The following MOB3B variants were observed in gnomAD, a reference collection of about 807,000 sequenced individuals.
MOB3B encodes MOB kinase activator 3B.
MOB3B carries 7 observed loss-of-function variants against 18.7 expected under a neutral mutation model. That is an observed-to-expected ratio of 0.37 (90% confidence interval 0.21 to 0.70). The LOEUF (loss-of-function observed/expected upper bound fraction) is 0.70. MOB3B is among the 30% of genes least tolerant of loss of function. The pLI is 0.52. For missense variants in MOB3B, 253 were observed against 281.3 expected (o/e 0.90, Z 0.72); for synonymous variants, 111 against 99.9 (o/e 1.11, Z -0.66).
intron 2 of MOB3B, among the ~76,000 whole-genome samples, chr9:27,375,407 A>T (rs539949429): frequency 6.6e-6 from 1 of 152,364 alleles, no homozygotes; most frequent in Non-Finnish European, 1.5e-5. Context: ...TTTGCAATAC[A>T]AGAGTTTTCT....
At chr9:27,458,067 C>G (rs2131452953) in intron 1 of MOB3B, among the ~76,000 whole-genome samples, 1 of 152,286 alleles carries the variant, frequency 6.6e-6, no homozygotes, top group African/African-American at 2.4e-5. Context: ...TTCTATGTCT[C>G]AAATGCTTAA....
At chr9:27,441,522 T>C (rs1458136884) in intron 2 of MOB3B, among the ~76,000 whole-genome samples, 3 of 152,168 alleles carry the variant, frequency 2.0e-5, no homozygotes, top group African/African-American at 7.2e-5. Context: ...AAATGAGCAA[T>C]GGGCAGGTAG....
chr9:27,495,171 A>T (rs1366475654), intron 1 of MOB3B, among the ~76,000 whole-genome samples: 1 of 151,862 alleles, frequency 6.6e-6, no homozygotes, highest in Non-Finnish European at 1.5e-5. Context: ...TCTACAAGTG[A>T]TTTTTAAAAA....
intron 2 of MOB3B, among the ~76,000 whole-genome samples, chr9:27,449,926 C>G (rs886348569): frequency 6.6e-6 from 1 of 150,398 alleles, no homozygotes; most frequent in African/African-American, 2.4e-5. Flanking sequence ...TGCAGTGAGC[C>G]GAGATCATGC....
At chr9:27,360,575 C>T (rs533099899) in intron 2 of MOB3B, among the ~76,000 whole-genome samples, 1 of 152,328 alleles carries the variant, frequency 6.6e-6, no homozygotes, top group East Asian at 1.9e-4. Context: ...GAAATGACCA[C>T]TAGCCTTTCA....
At chr9:27,527,391 G>T (rs1443279746) in intron 1 of MOB3B, among the ~76,000 whole-genome samples, 1 of 152,076 alleles carries the variant, frequency 6.6e-6, no homozygotes, top group Non-Finnish European at 1.5e-5. Flanking sequence ...TGGTTCCACC[G>T]TTGGGAAGGT....
At chr9:27,513,309 C>T (rs185223907) in intron 1 of MOB3B, among the ~76,000 whole-genome samples, 87 of 152,260 alleles carry the variant, frequency 5.7e-4, no homozygotes, top group Non-Finnish European at 1.0e-3. Flanking sequence ...TGACTCTCCC[C>T]AGGCCTACTG....
At chr9:27,516,074 C>G (rs551423158) in intron 1 of MOB3B, among the ~76,000 whole-genome samples, 1 of 152,234 alleles carries the variant, frequency 6.6e-6, no homozygotes, top group East Asian at 1.9e-4. Flanking sequence ...ATCTAGAAAC[C>G]AAAGAACACT....
At chr9:27,342,534 C>T (rs192976364) in intron 3 of MOB3B, among the ~76,000 whole-genome samples, 202 of 152,024 alleles carry the variant, frequency 1.3e-3, no homozygotes, top group Non-Finnish European at 2.5e-3. Flanking sequence ...CTGGACTGTA[C>T]TGCCGCCATC....
At chr9:27,465,643 C>G (rs1819370342) in intron 1 of MOB3B, among the ~76,000 whole-genome samples, 1 of 152,174 alleles carries the variant, frequency 6.6e-6, no homozygotes, top group South Asian at 2.1e-4. Flanking sequence ...GGGTCCCGCC[C>G]CTGCAGCAAA....
chr9:27,402,921 A>C (rs1821907199), intron 2 of MOB3B, among the ~76,000 whole-genome samples: 1 of 152,102 alleles, frequency 6.6e-6, no homozygotes, highest in Non-Finnish European at 1.5e-5. Flanking sequence ...GCTGTTGGAG[A>C]CCCTCCCATG....
rs1822855210 is a variant in MOB3B, at chr9:27,455,448, G to C, written c.103C>G (p.Gln35Glu). The part of the protein sequence containing the change: ...TQRFELHKRA[Q>E]ASLNSGVDLK... ...TCCACACCCGAGTTGAGGGATGCCTGAGCCCGTTTGTGCAGCTCAAACCTC... is the reference window on the plus strand; with the variant it reads ...TCCACACCCGAGTTGAGGGATGCCTCAGCCCGTTTGTGCAGCTCAAACCTC... The change falls in exon 2 of 4, where the codon CAG becomes GAG. Residue 35 changes from glutamine to glutamate, a missense_variant. Physicochemically the swap from Gln to Glu is conservative, Grantham distance 29 (BLOSUM62 2). Transcript: ENST00000262244. 1.2e-6 allele frequency: 2 copies of C among 1,614,218 alleles called. No individual in the cohort carries two copies. The highest frequency in any genetic ancestry group is 4.5e-5 in the East Asian group (2 of 44,886).
At chr9:27,340,903 C>T (rs1021806292) in intron 3 of MOB3B, among the ~76,000 whole-genome samples, 13 of 152,348 alleles carry the variant, frequency 8.5e-5, no homozygotes, top group East Asian at 3.9e-4. Context: ...CATTTGTCAG[C>T]GCAGCTGGAT....
chr9:27,415,369 T>C (rs968558303), intron 2 of MOB3B, among the ~76,000 whole-genome samples: 2 of 152,100 alleles, frequency 1.3e-5, no homozygotes, highest in African/African-American at 2.4e-5. Context: ...AGTTATATAA[T>C]ACACTAACAT....
intron 2 of MOB3B, among the ~76,000 whole-genome samples, chr9:27,442,006 G>C (rs530459859): frequency 2.0e-5 from 3 of 152,238 alleles, no homozygotes; most frequent in Non-Finnish European, 2.9e-5. Flanking sequence ...TGTTAAACCA[G>C]ACGTTAAAGA....
At chr9:27,378,889 C>T (rs967905349) in intron 2 of MOB3B, among the ~76,000 whole-genome samples, 1 of 152,208 alleles carries the variant, frequency 6.6e-6, no homozygotes, top group Admixed American at 6.5e-5. Context: ...ACAAAGCTAA[C>T]AAGTGCTAGA....
chr9:27,428,923 G>T (rs1299541527), intron 2 of MOB3B, among the ~76,000 whole-genome samples: 1 of 152,190 alleles, frequency 6.6e-6, no homozygotes, highest in Non-Finnish European at 1.5e-5. Context: ...GTCTAAGCTG[G>T]CTTTCCCACC....
intron 1 of MOB3B, among the ~76,000 whole-genome samples, chr9:27,507,666 G>A (rs1820079669): frequency 6.6e-6 from 1 of 152,218 alleles, no homozygotes; most frequent in Non-Finnish European, 1.5e-5. Flanking sequence ...GAGAGTGACT[G>A]TTAGGCTGAG....
intron 3 of MOB3B, among the ~76,000 whole-genome samples, chr9:27,355,950 G>A (rs144174045): frequency 7.1e-4 from 108 of 152,280 alleles, no homozygotes; most frequent in Admixed American, 1.2e-3. Context: ...CATTGCAACA[G>A]TATTAGCAGT....
Sources: gnomAD v4.1 joint callset for allele counts (sites outside exome capture counted in the v4.1 genomes callset) on GRCh38, gnomAD v4.1.1 for gene constraint, MANE v1.5 for transcripts, NCBI Gene and HGNC (gene_info 2026-07-23, HGNC 2026-07-21) for gene names.